Variants in DENND4C observed in about 807,000 individuals in gnomAD.
DENND4C encodes the protein DENN domain-containing protein 4C.
In DENND4C, 108 loss-of-function variants were observed where a neutral mutation model predicts 203.0. The observed-to-expected ratio is 0.53, with a 90% CI of 0.46 to 0.62. DENND4C has a LOEUF of 0.62. DENND4C is among the 20% of genes least tolerant of loss of function. DENND4C has a pLI of 0.00. For synonymous variants in DENND4C, 871 were observed against 792.4 expected (o/e 1.10, Z -1.67); for missense variants, 2,481 against 2,301.2 (o/e 1.08, Z -1.60).
At chr9:19,261,436 TTG>T (rs1829319559) in intron 1 of DENND4C, among the ~76,000 whole-genome samples, 1 of 141,340 alleles carries the variant, frequency 7.1e-6, no homozygotes, top group Admixed American at 7.9e-5. Flanking sequence ...AATCTGTAGA[TTG>T]TGTAGTATGG....
At chr9:19,267,773 T>C (rs1316690937) in intron 1 of DENND4C, among the ~76,000 whole-genome samples, 1 of 152,078 alleles carries the variant, frequency 6.6e-6, no homozygotes, top group Non-Finnish European at 1.5e-5. Context: ...TCCTGGGGTC[T>C]AGCAATCCTC....
chr9:19,308,604 A>T (rs1463816527), intron 10 of DENND4C, among the ~76,000 whole-genome samples: 1 of 152,178 alleles, frequency 6.6e-6, no homozygotes, highest in Non-Finnish European at 1.5e-5. Context: ...CTTCTCCCAC[A>T]TTGTGACCTG....
chr9:19,369,766 C>CA (rs151013945), intron 30 of DENND4C, 71 bp from the exon 31 acceptor site: 107,347 of 646,456 alleles, frequency 0.17, 1,954 homozygotes, highest in African/African-American at 0.25. Flanking sequence ...GATGTTGTCT[C>CA]AAAAAAAAAA....
At position 19,372,354 on chromosome 9, in the gene DENND4C, G is replaced by C. The variant is rs2132382341; in HGVS notation, c.*181G>C. ...TACCTTGAAATATGAAGTGCCATTT[G>C]AATGTCCCAGGGCTTATTAATATTG... On this transcript the variant is annotated 3_prime_UTR_variant, in exon 33 of 33. Coordinates refer to ENST00000434457, the MANE Select transcript of DENND4C (RefSeq NM_001330640.2). 2 of 715,704 alleles carry C rather than the reference G, an allele frequency of 2.8e-6. No homozygotes were observed. Among genetic ancestry groups the C allele is most frequent in the Non-Finnish European group, 4.3e-6 (2 of 464,584 alleles). The allele number at this position is 715,704 out of a possible 1,614,324, so 44.3% of individuals were successfully genotyped here.
Position 19,306,759 on chromosome 9 carries a change from ATTTAT to A in DENND4C, c.1487+1235_1487+1239del, listed in dbSNP as rs1457571085. 1.8e-3 allele frequency among the ~76,000 whole-genome samples: 243 copies of A among 137,828 alleles called. 1 individual carries two copies. Among genetic ancestry groups the A allele is most frequent in the African/African-American group, 7.4e-3 (224 of 30,154 alleles). 90.4% of individuals were successfully genotyped at this position (137,828 alleles called of 152,430 possible). A position where few individuals can be genotyped will look rare whatever the true frequency, so the allele number is the denominator to read the frequency against. ...TTTGCACAATTGTATTTATTTATTT[ATTTAT>A]TTATTTATTTATTTATTTATTTATT... On this transcript the variant is annotated intron_variant, in intron 10 of 32. Coordinates refer to ENST00000434457, the MANE Select transcript of DENND4C (RefSeq NM_001330640.2).
intron 5 of DENND4C, among the ~76,000 whole-genome samples, chr9:19,291,728 GA>G (rs1836358219): frequency 6.6e-6 from 1 of 150,650 alleles, no homozygotes; most frequent in Non-Finnish European, 1.5e-5. Flanking sequence ...AAAAATAGCA[GA>G]GATAAGACAT....
At chr9:19,334,008 G>C (rs1312318310) in intron 17 of DENND4C, among the ~76,000 whole-genome samples, 1 of 152,104 alleles carries the variant, frequency 6.6e-6, no homozygotes, top group Non-Finnish European at 1.5e-5. Flanking sequence ...ATTGGGGAGA[G>C]AGAGACTTCA....
At chr9:19,357,546 A>C in intron 27 of DENND4C, 1 of 210,732 alleles carries the variant, frequency 4.7e-6, no homozygotes, top group East Asian at 1.2e-4. Context: ...AAAAATAAAA[A>C]AGTAAATATG....
At chr9:19,364,044 G>A (rs7863119) in intron 30 of DENND4C, among the ~76,000 whole-genome samples, 67,190 of 151,810 alleles carry the variant, frequency 0.44, 15,576 homozygotes, top group East Asian at 0.6. Context: ...TGTGGCTGGC[G>A]TGGTGGCTTA....
At position 19,299,007 on chromosome 9, in the gene DENND4C, T is replaced by C. The variant is rs557305982; in HGVS notation, c.1108-222T>C. Among the ~76,000 whole-genome samples, 10 of 152,244 alleles carry C rather than the reference T, an allele frequency of 6.6e-5. No homozygotes were observed. The East Asian group carries it at 1.7e-3, about 26-fold the overall frequency. On this transcript the variant is annotated intron_variant, in intron 7 of 32. Coordinates refer to ENST00000434457, the MANE Select transcript of DENND4C (RefSeq NM_001330640.2). ...TAAGTGAATCAAAATTCAGTCAAAT[T>C]AACCATTTAATGAAAAAGAACTAAT...
intron 5 of DENND4C, 100 bp from the exon 6 acceptor site, chr9:19,295,908 G>T (rs1837368279): frequency 2.2e-6 from 2 of 890,396 alleles, no homozygotes; most frequent in East Asian, 4.9e-5. Flanking sequence ...ATCTGTATAA[G>T]TGTACTCCAA....
At chr9:19,327,821 A>C (rs1402655689) in intron 15 of DENND4C, among the ~76,000 whole-genome samples, 1 of 152,134 alleles carries the variant, frequency 6.6e-6, no homozygotes, top group Non-Finnish European at 1.5e-5. Context: ...TGAAAATAAC[A>C]AATAGGGTGG....
chr9:19,253,646 A>G (rs1827206433), intron 1 of DENND4C, among the ~76,000 whole-genome samples: 1 of 152,204 alleles, frequency 6.6e-6, no homozygotes, highest in South Asian at 2.1e-4. Flanking sequence ...TTACCAGGGA[A>G]CATACAGCTG....
chr9:19,253,403 C>A (rs1031205307), intron 1 of DENND4C, among the ~76,000 whole-genome samples: 3 of 152,138 alleles, frequency 2.0e-5, no homozygotes, highest in African/African-American at 7.2e-5. Context: ...GTGGCAGGTA[C>A]AATGGTAGAG....
At chr9:19,336,438 A>G in intron 19 of DENND4C, 24 bp downstream of exon 19, 1 of 1,600,414 alleles carries the variant, frequency 6.2e-7, no homozygotes, top group South Asian at 1.1e-5. Flanking sequence ...TTAGAAATAT[A>G]ATTCCTTACT....
At chr9:19,314,384 G>T (rs1563793122) in intron 10 of DENND4C, among the ~76,000 whole-genome samples, 1 of 152,082 alleles carries the variant, frequency 6.6e-6, no homozygotes, top group Non-Finnish European at 1.5e-5. Flanking sequence ...AACCTGGGAG[G>T]TGGAGGTTGC....
chr9:19,245,159 G>C (rs1824836475), intron 1 of DENND4C, among the ~76,000 whole-genome samples: 1 of 152,062 alleles, frequency 6.6e-6, no homozygotes, highest in Non-Finnish European at 1.5e-5. Context: ...TATTTTATTG[G>C]TCTGATTTTT....
At chr9:19,370,045 AT>A (rs745930392) in intron 31 of DENND4C, 58 bp downstream of exon 31, 266 of 1,584,976 alleles carry the variant, frequency 1.7e-4, no homozygotes, top group East Asian at 1.2e-3. Flanking sequence ...TTTTAAAAAA[AT>A]ATCTTACTTT....
In DENND4C at chr9:19,298,039, C is replaced by T; in HGVS notation, c.1041-17C>T. 6.3e-7 allele frequency: 1 copy of T among 1,586,628 alleles called. No homozygotes were observed. The highest frequency in any genetic ancestry group is 2.3e-5 in the East Asian group (1 of 43,982). Reference sequence around the variant, plus strand: ...AGAAAAGTAATTATTATATTTATTTCAAATTTTTTTTTCTAGGCACATTTC... The same window carrying T: ...AGAAAAGTAATTATTATATTTATTTTAAATTTTTTTTTCTAGGCACATTTC... On this transcript the variant is annotated splice_polypyrimidine_tract_variant and intron_variant, in intron 6 of 32. Coordinates refer to ENST00000434457, the MANE Select transcript of DENND4C (RefSeq NM_001330640.2).
Sources: gnomAD v4.1 joint callset for allele counts (sites outside exome capture counted in the v4.1 genomes callset) on GRCh38, gnomAD v4.1.1 for gene constraint, MANE v1.5 for transcripts, NCBI Gene and HGNC (gene_info 2026-07-23, HGNC 2026-07-21) for gene names.